The following MICAL2 variants were observed in gnomAD, a reference collection of about 807,000 sequenced individuals.
The protein encoded by MICAL2 is [F-actin]-monooxygenase MICAL2.
Under a neutral mutation model 127.3 loss-of-function variants are expected in MICAL2, and 77 were observed. The ratio of observed to expected loss-of-function variants is 0.60; its 90% confidence interval spans 0.50 to 0.73. The LOEUF (loss-of-function observed/expected upper bound fraction) is 0.73. Ranked by LOEUF, MICAL2 falls within the 30% of genes least tolerant of loss-of-function variation. MICAL2 has a pLI of 0.00. For synonymous variants in MICAL2, 570 were observed against 551.1 expected (o/e 1.03, Z -0.48); for missense variants, 1,351 against 1,434.4 (o/e 0.94, Z 0.94).
At chr11:12,262,382 G>C (rs1007385553) in intron 26 of MICAL2, 98 bp from the exon 27 acceptor site, 1 of 1,585,900 alleles carries the variant, frequency 6.3e-7, no homozygotes, top group Non-Finnish European at 8.5e-7. Context: ...TTTCAACTCC[G>C]GTGCCTTCTC....
At chr11:12,290,201 G>A (rs1048872814), downstream of MICAL2, among the ~76,000 whole-genome samples, 1 of 152,220 alleles carries the variant, frequency 6.6e-6, no homozygotes, top group Non-Finnish European at 1.5e-5. Context: ...AAGCCCTGCT[G>A]GAGTTCCATC....
intron 31 of MICAL2, among the ~76,000 whole-genome samples, chr11:12,325,866 T>C (rs1864348657): frequency 6.6e-6 from 1 of 152,242 alleles, no homozygotes; most frequent in African/African-American, 2.4e-5. Flanking sequence ...TGATCAGCAA[T>C]AAAGCCATTT....
At chr11:12,288,571 C>G (rs140784547), downstream of MICAL2, among the ~76,000 whole-genome samples, 1 of 152,136 alleles carries the variant, frequency 6.6e-6, no homozygotes, top group African/African-American at 2.4e-5. Flanking sequence ...CAGCGTTTCT[C>G]GAGAGTATAC....
intron 3 of MICAL2, among the ~76,000 whole-genome samples, chr11:12,188,232 A>G (rs1426455423): frequency 2.0e-5 from 3 of 151,930 alleles, no homozygotes. Flanking sequence ...TGTTGCAATG[A>G]TAATATTTTG....
Position 12,209,543 on chromosome 11 carries a change from G to A in MICAL2, c.636G>A (p.Ser212=), listed in dbSNP as rs749388507. Residue 212 remains serine, a synonymous_variant, in exon 6 of 28, where the codon TCG becomes TCA. Coordinates refer to ENST00000683283, the MANE Select transcript of MICAL2 (RefSeq NM_001282663.2). ...AEFLPTDHSL[S]EFEFDVIIGA... is the part of the protein sequence containing the mutation. ...TTCTCCCTACAGACCATTCTCTGTC[G>A]GAGTTTGAGTTTGACGTCATCATTG... is the stretch of plus-strand genomic sequence containing the variant. 6.8e-6 allele frequency: 11 copies of A among 1,614,128 alleles called. No individual in the cohort carries two copies. The highest frequency in any genetic ancestry group is 3.3e-5 in the Admixed American group (2 of 60,008).
At chr11:12,203,858 A>G (rs1854332944) in intron 3 of MICAL2, among the ~76,000 whole-genome samples, 1 of 152,066 alleles carries the variant, frequency 6.6e-6, no homozygotes, top group Non-Finnish European at 1.5e-5. Context: ...GATGTACCAT[A>G]TGCTTTTTAA....
At chr11:12,192,433 C>T (rs1336399969) in intron 3 of MICAL2, among the ~76,000 whole-genome samples, 1 of 152,210 alleles carries the variant, frequency 6.6e-6, no homozygotes, top group African/African-American at 2.4e-5. Context: ...ATGGGATGGA[C>T]TGGACTCTGA....
At chr11:12,231,994 A>T (rs190199934) in intron 15 of MICAL2, among the ~76,000 whole-genome samples, 3 of 152,330 alleles carry the variant, frequency 2.0e-5, no homozygotes, top group Admixed American at 1.3e-4. Flanking sequence ...AGCCTCTCAG[A>T]AATCTCCTTT....
At chr11:12,133,536 C>T (rs977244) in intron 1 of MICAL2, among the ~76,000 whole-genome samples, 4 of 151,610 alleles carry the variant, frequency 2.6e-5, no homozygotes, top group African/African-American at 9.7e-5. Flanking sequence ...AGACAAGCAA[C>T]GATAATATTG....
intron 8 of MICAL2, among the ~76,000 whole-genome samples, chr11:12,217,123 C>G (rs1856268513): frequency 6.6e-6 from 1 of 152,120 alleles, no homozygotes; most frequent in African/African-American, 2.4e-5. Flanking sequence ...GGTGTACAAC[C>G]CTTCCAGAGC....
chr11:12,339,717 G>A (rs1229937849), intron 32 of MICAL2, among the ~76,000 whole-genome samples: 1 of 152,226 alleles, frequency 6.6e-6, no homozygotes, highest in Non-Finnish European at 1.5e-5. Context: ...ATCCACTCCA[G>A]ACCCATTTGC....
chr11:12,294,230 A>G, downstream of MICAL2: 1 of 1,614,132 alleles, frequency 6.2e-7, no homozygotes, highest in Non-Finnish European at 8.5e-7. Context: ...GCCTCCACCC[A>G]AGTCCCCACT....
intron 3 of MICAL2, chr11:12,163,738 C>T (rs947731515): frequency 1.6e-4 from 25 of 152,274 alleles, no homozygotes; most frequent in African/African-American, 6.0e-4. Flanking sequence ...TCCTGGGTGC[C>T]ACTCCTGCCC....
rs550610967 is a variant in MICAL2, at chr11:12,125,074, C to A, written c.-148-13316C>A. Among the ~76,000 whole-genome samples the A allele has an allele frequency of 2.0e-5, 3 of 152,218 alleles. No individual in the cohort carries two copies. In the East Asian group the frequency reaches 5.8e-4, roughly 29 times the overall value. The stretch of plus-strand genomic sequence containing the variant: ...AGCCTTTAGCCACTGGGGCTTCCTG[C>A]GCTCTCAGGGTGTCTGATCTCAGCC... On this transcript the variant is annotated intron_variant, in intron 1 of 27. Transcript: ENST00000683283.
intron 32 of MICAL2, among the ~76,000 whole-genome samples, chr11:12,328,181 CATTAAAA>C (rs1864375932): frequency 3.3e-5 from 5 of 152,314 alleles, no homozygotes; most frequent in African/African-American, 1.2e-4. Context: ...ATGCATTAGA[CATTAAAA>C]CACTGGGTCT....
chr11:12,271,475 G>C (rs1565289411), upstream of MICAL2, among the ~76,000 whole-genome samples: 1 of 152,200 alleles, frequency 6.6e-6, no homozygotes, highest in Non-Finnish European at 1.5e-5. Flanking sequence ...CCCAGCTGCG[G>C]TGATACCCAG....
chr11:12,243,267 A>G (rs984393993), intron 20 of MICAL2: 3 of 152,872 alleles, frequency 2.0e-5, no homozygotes, highest in East Asian at 3.8e-4. Context: ...GGATAAAGTC[A>G]AGCCAACAAG....
intron 3 of MICAL2, among the ~76,000 whole-genome samples, chr11:12,171,363 C>T (rs1250258844): frequency 1.1e-4 from 17 of 152,200 alleles, no homozygotes; most frequent in African/African-American, 3.1e-4. Flanking sequence ...AGCAGTTTAA[C>T]GCTCTCCTTC....
intron 31 of MICAL2, among the ~76,000 whole-genome samples, chr11:12,326,556 G>A (rs1864354896): frequency 6.6e-6 from 1 of 152,150 alleles, no homozygotes; most frequent in Non-Finnish European, 1.5e-5. Context: ...TAACCTGCTA[G>A]TAACAAAGGC....
Sources: gnomAD v4.1 joint callset for allele counts (sites outside exome capture counted in the v4.1 genomes callset) on GRCh38, gnomAD v4.1.1 for gene constraint, MANE v1.5 for transcripts, NCBI Gene and HGNC (gene_info 2026-07-23, HGNC 2026-07-21) for gene names.